BMP6: variants seen among roughly 807,000 people sequenced by gnomAD.
The protein encoded by BMP6 is bone morphogenetic protein 6.
BMP6 carries 17 observed loss-of-function variants against 54.1 expected under a neutral mutation model. The observed-to-expected ratio is 0.31, with a 90% confidence interval of 0.22 to 0.47. The LOEUF (loss-of-function observed/expected upper bound fraction) is 0.47, where lower values mean the gene tolerates loss of function less well. Among genes scored for constraint, BMP6 ranks in the 20% least tolerant of loss-of-function variants. The pLI is 1.00. For synonymous variants in BMP6, 328 were observed against 291.2 expected (o/e 1.13, Z -1.28); for missense variants, 720 against 690.4 (o/e 1.04, Z -0.48).
At chr6:7,748,162 GTGTT>G (rs77785768) in intron 1 of BMP6, among the ~76,000 whole-genome samples, 12,715 of 152,164 alleles carry the variant, frequency 0.084, 609 homozygotes, top group Admixed American at 0.12. Context: ...CCCTTAGAGA[GTGTT>G]TGGTTTTCGG....
chr6:7,832,225 A>T (rs1486137585), intron 1 of BMP6, among the ~76,000 whole-genome samples: 2 of 152,214 alleles, frequency 1.3e-5, no homozygotes, highest in Admixed American at 1.3e-4. Context: ...ATATTGCTGA[A>T]TTACTGCAAT....
At position 7,787,293 on chromosome 6, in the gene BMP6, CTGAG is replaced by C. The variant is rs1364807675; in HGVS notation, c.665-57841_665-57838del. Among the ~76,000 whole-genome samples, 9 of 152,132 alleles carry C rather than the reference CTGAG, an allele frequency of 5.9e-5. No individual in the cohort carries two copies. The East Asian group carries it at 1.5e-3, about 26-fold the overall frequency. ...TATGCGTGAACTTCTCTGGAAGCGC[CTGAG>C]TGAGTCAGTGTCTGAAAAGGAGCTA... On this transcript the variant is annotated intron_variant, in intron 1 of 6. Transcript: ENST00000283147.
At position 7,880,599 on chromosome 6, in the gene BMP6, C is replaced by CATA; in HGVS notation, c.*258_*260dup. On this transcript the variant is annotated 3_prime_UTR_variant, in exon 7 of 7. Transcript: ENST00000283147. The stretch of plus-strand genomic sequence containing the variant: ...GCATAAGGTCTGGTAACTGCAGAAA[C>CATA]ATAACCGTGAAGCTCTTCCTACCCT... The CATA allele has an allele frequency of 2.0e-6, 1 of 508,742 alleles. No homozygotes were observed. Among genetic ancestry groups the CATA allele is most frequent in the Non-Finnish European group, 3.5e-6 (1 of 286,510 alleles). 31.5% of individuals were successfully genotyped at this position (508,742 alleles called of 1,614,324 possible). A position where few individuals can be genotyped will look rare whatever the true frequency, so the allele number is the denominator to read the frequency against.
intron 1 of BMP6, among the ~76,000 whole-genome samples, chr6:7,778,837 ACTGT>A (rs1199928623): frequency 3.3e-5 from 5 of 152,136 alleles, no homozygotes; most frequent in Non-Finnish European, 7.4e-5. Context: ...CCCGGAGGGC[ACTGT>A]CTATCATTTC....
intron 1 of BMP6, among the ~76,000 whole-genome samples, chr6:7,734,777 T>C (rs908234376): frequency 2.0e-5 from 3 of 152,216 alleles, no homozygotes; most frequent in African/African-American, 2.4e-5. Context: ...AGAGATGATA[T>C]CTAAATTACA....
At chr6:7,809,198 A>G (rs1459597059) in intron 1 of BMP6, among the ~76,000 whole-genome samples, 1 of 139,552 alleles carries the variant, frequency 7.2e-6, no homozygotes, top group East Asian at 2.3e-4. Context: ...GCTGGAGTTT[A>G]TTTAAGTGGA....
intron 4 of BMP6, among the ~76,000 whole-genome samples, chr6:7,867,032 G>A (rs1382998289): frequency 6.6e-6 from 1 of 152,100 alleles, no homozygotes. Flanking sequence ...CACTACTCCT[G>A]GATAATTTTG....
chr6:7,759,693 C>CTTTTT (rs1417534809), intron 1 of BMP6, among the ~76,000 whole-genome samples: 3 of 80,070 alleles, frequency 3.7e-5, no homozygotes, highest in African/African-American at 1.1e-4. Context: ...TTTCTTTCTT[C>CTTTTT]TTCTTTTTTT....
chr6:7,757,730 C>T (rs1757545813), intron 1 of BMP6, among the ~76,000 whole-genome samples: 2 of 152,200 alleles, frequency 1.3e-5, no homozygotes, highest in African/African-American at 4.8e-5. Flanking sequence ...GACTGCTCTC[C>T]CTACGTCTCT....
At chr6:7,857,026 T>A (rs1759252292) in intron 2 of BMP6, among the ~76,000 whole-genome samples, 1 of 152,192 alleles carries the variant, frequency 6.6e-6, no homozygotes. Context: ...CTCAGGCACC[T>A]CCTGCCCTTG....
intron 1 of BMP6, 112 bp downstream of exon 1, chr6:7,727,731 G>A: frequency 1.6e-6 from 2 of 1,270,464 alleles, no homozygotes; most frequent in African/African-American, 1.6e-5. Flanking sequence ...GTCCCGCCTG[G>A]TGCGCCAGAG....
intron 1 of BMP6, among the ~76,000 whole-genome samples, chr6:7,820,451 C>T (rs981714229): frequency 5.3e-5 from 8 of 152,246 alleles, no homozygotes; most frequent in South Asian, 2.1e-4. Context: ...TTGCTGATGA[C>T]TGCGCATTGG....
chr6:7,734,009 G>C (rs1761916026), intron 1 of BMP6, among the ~76,000 whole-genome samples: 1 of 152,122 alleles, frequency 6.6e-6, no homozygotes, highest in African/African-American at 2.4e-5. Flanking sequence ...AACACATTGT[G>C]GGTCACTGAA....
chr6:7,831,182 T>C (rs1304297328), intron 1 of BMP6, among the ~76,000 whole-genome samples: 1 of 152,210 alleles, frequency 6.6e-6, no homozygotes, highest in Non-Finnish European at 1.5e-5. Context: ...AACATGATGC[T>C]AAATGAAGCC....
At chr6:7,774,864 G>C (rs981396241) in intron 1 of BMP6, among the ~76,000 whole-genome samples, 19 of 152,184 alleles carry the variant, frequency 1.2e-4, no homozygotes, top group African/African-American at 4.3e-4. Flanking sequence ...TACAATTCTG[G>C]AGGCTGGGAT....
intron 1 of BMP6, among the ~76,000 whole-genome samples, chr6:7,839,390 A>G (rs1267425531): frequency 1.3e-5 from 2 of 152,186 alleles, no homozygotes; most frequent in African/African-American, 4.8e-5. Flanking sequence ...TGATTGTGCC[A>G]CTATCACCAC....
chr6:7,749,680 GT>G (rs1340365163), intron 1 of BMP6, among the ~76,000 whole-genome samples: 1 of 152,170 alleles, frequency 6.6e-6, no homozygotes, highest in Non-Finnish European at 1.5e-5. Flanking sequence ...TTGCCAAGTG[GT>G]TATGTGTCAG....
intron 1 of BMP6, among the ~76,000 whole-genome samples, chr6:7,787,564 T>G (rs1374012307): frequency 6.6e-6 from 1 of 152,218 alleles, no homozygotes; most frequent in Non-Finnish European, 1.5e-5. Context: ...AGGGATCTAT[T>G]TGCTTGCAAT....
Position 7,880,227 on chromosome 6 carries a change from C to A in BMP6, c.1426C>A (p.Pro476Thr). The A allele has an allele frequency of 6.2e-7, 1 of 1,614,190 alleles. No individual in the cohort carries two copies. The highest frequency in any genetic ancestry group is 8.5e-7 in the Non-Finnish European group (1 of 1,180,046). Residue 476 changes from proline (P) to threonine (T), a missense_variant, in exon 7 of 7, where the codon CCG becomes ACG. Physicochemically the swap from Pro to Thr is conservative, Grantham distance 38 (BLOSUM62 -1). This residue lies in a region of BMP6 where 43 missense variants were observed against 54.0 expected (regional missense o/e 0.80). Coordinates refer to ENST00000283147, the MANE Select transcript of BMP6 (RefSeq NM_001718.6). ...TATGAACCCCGAGTATGTCCCCAAA[C>A]CGTGCTGTGCGCCAACTAAGCTAAA... ...HLMNPEYVPK[P>T]CCAPTKLNAI...
Sources: gnomAD v4.1 joint callset for allele counts (sites outside exome capture counted in the v4.1 genomes callset) on GRCh38, gnomAD v4.1.1 for gene constraint, gnomAD v4.1.1 regional missense constraint, MANE v1.5 for transcripts, NCBI Gene and HGNC (gene_info 2026-07-23, HGNC 2026-07-21) for gene names.